The following NT5C2 variants were observed in gnomAD, a reference collection of about 807,000 sequenced individuals.
NT5C2 encodes the protein cytosolic purine 5'-nucleotidase.
Under a neutral mutation model 76.1 loss-of-function variants are expected in NT5C2, and 58 were observed. The observed-to-expected ratio is 0.76, with a 90% CI of 0.62 to 0.95. The LOEUF (loss-of-function observed/expected upper bound fraction) is 0.95. NT5C2 is among the 40% of genes least tolerant of loss of function. The probability of loss-of-function intolerance (pLI) is 0.00; values close to 1 mark genes in which losing one functional copy is unlikely to be tolerated. For missense variants in NT5C2, 478 were observed against 690.3 expected (o/e 0.69, Z 3.45); for synonymous variants, 229 against 237.4 (o/e 0.96, Z 0.32).
At chr10:103,132,038 C>T (rs1442888076) in intron 4 of NT5C2, among the ~76,000 whole-genome samples, 4 of 151,824 alleles carry the variant, frequency 2.6e-5, no homozygotes, top group Admixed American at 1.3e-4. Context: ...GTCAGGAGTT[C>T]GAGACCAGCC....
chr10:103,158,840 T>G (rs1255814795), intron 3 of NT5C2, among the ~76,000 whole-genome samples: 4 of 142,896 alleles, frequency 2.8e-5, no homozygotes, highest in Admixed American at 2.1e-4. Context: ...AAAAGAAGAA[T>G]AAAAGCAGAG....
chr10:103,094,850 C>G (rs1335315297), intron 12 of NT5C2, among the ~76,000 whole-genome samples: 1 of 147,462 alleles, frequency 6.8e-6, no homozygotes, highest in Non-Finnish European at 1.5e-5. Context: ...CCACTGCACT[C>G]CAGCTTGGCA....
chr10:103,153,449 T>TA (rs2082754623), intron 3 of NT5C2: 1 of 1,132,692 alleles, frequency 8.8e-7, no homozygotes, highest in Non-Finnish European at 1.1e-6. Context: ...TGCCGAACCC[T>TA]AACTAGGCAA....
rs544697472 is a variant in NT5C2 at position 103,183,625 on chromosome 10, T to C, written c.-168-2297A>G. 2.4e-4 allele frequency among the ~76,000 whole-genome samples: 36 copies of C among 149,422 alleles called. 1 individual carries two copies. The South Asian group carries it at 7.4e-3, about 31-fold the overall frequency. Reference sequence around the variant, plus strand: ...CTGCCTCCTGGGTTCACGCCATATATATATATATACATATACATACACACA... The same window carrying C: ...CTGCCTCCTGGGTTCACGCCATATACATATATATACATATACATACACACA... On this transcript the variant is annotated intron_variant, in intron 1 of 18. Transcript: ENST00000404739.
At chr10:103,096,845 C>CA (rs71019656) in intron 11 of NT5C2, among the ~76,000 whole-genome samples, 3,974 of 31,096 alleles carry the variant, frequency 0.13, 624 homozygotes, top group African/African-American at 0.24. Context: ...GACTCTGTCT[C>CA]AAAAAAAAAA....
chr10:103,097,258 C>T, intron 11 of NT5C2, 33 bp downstream of exon 11: 2 of 1,473,702 alleles, frequency 1.4e-6, no homozygotes, highest in Non-Finnish European at 1.9e-6. Flanking sequence ...AATAATTCCA[C>T]TGCATAAATA....
intron 4 of NT5C2, among the ~76,000 whole-genome samples, chr10:103,118,674 A>G (rs1381904092): frequency 1.3e-5 from 2 of 152,130 alleles, no homozygotes; most frequent in Non-Finnish European, 2.9e-5. Flanking sequence ...ATCACATTTC[A>G]TCTTCACAAA....
intron 1 of NT5C2, among the ~76,000 whole-genome samples, chr10:103,183,381 T>C (rs1248852463): frequency 7.0e-6 from 1 of 142,768 alleles, no homozygotes; most frequent in African/African-American, 2.6e-5. Flanking sequence ...TTGGAATTAC[T>C]AGTTTTAAAC....
intron 1 of NT5C2, among the ~76,000 whole-genome samples, chr10:103,193,035 G>A (rs2092765432): frequency 6.6e-6 from 1 of 151,806 alleles, no homozygotes; most frequent in South Asian, 2.1e-4. Flanking sequence ...GAGGGAGTTG[G>A]GAGGCGTGCG....
rs2091827070 is a variant in NT5C2, at chr10:103,184,972, T to A, written c.-168-3644A>T. Among the ~76,000 whole-genome samples the A allele has an allele frequency of 2.6e-5, 4 of 151,274 alleles. No homozygotes were observed. The South Asian group carries it at 8.4e-4, about 32-fold the overall frequency. The stretch of plus-strand genomic sequence containing the variant: ...TGTAACTAGAAACTACAAATTTATT[T>A]CATCTGTTCCTAAACTTTTGAAAAT... On this transcript the variant is annotated intron_variant, in intron 1 of 18. Transcript: ENST00000404739.
chr10:103,160,241 A>T (rs2084500775), intron 3 of NT5C2, among the ~76,000 whole-genome samples: 1 of 152,202 alleles, frequency 6.6e-6, no homozygotes, highest in Non-Finnish European at 1.5e-5. Context: ...AAAAAAAGTA[A>T]ATGAAAATGG....
Position 103,139,388 on chromosome 10 carries a change from T to G in NT5C2, c.175+18A>C. The G allele has an allele frequency of 6.5e-7, 1 of 1,541,902 alleles. No individual in the cohort carries two copies. ...ACCCAAAGCAGCAGTTCTTAAGCAA[T>G]CAGAAATTGCTACTCACCAGCAAGG... On this transcript the variant is annotated intron_variant, in intron 4 of 18. Transcript: ENST00000404739.
At chr10:103,142,673 GA>G (rs138172222) in intron 3 of NT5C2, among the ~76,000 whole-genome samples, 1 of 150,858 alleles carries the variant, frequency 6.6e-6, no homozygotes, top group African/African-American at 2.4e-5. Flanking sequence ...GTTTCAAAAA[GA>G]AAAAAAAGAA....
At chr10:103,174,304 T>G (rs939187734) in intron 3 of NT5C2, among the ~76,000 whole-genome samples, 1 of 151,874 alleles carries the variant, frequency 6.6e-6, no homozygotes, top group Non-Finnish European at 1.5e-5. Flanking sequence ...ACTGGGGAAG[T>G]TGAGGCATGA....
chr10:103,160,635 A>G (rs1442694658), intron 3 of NT5C2, among the ~76,000 whole-genome samples: 1 of 152,252 alleles, frequency 6.6e-6, no homozygotes, highest in Non-Finnish European at 1.5e-5. Flanking sequence ...CAGTAAGAAC[A>G]TGAAAACACG....
At chr10:103,151,407 T>G (rs1393055638) in intron 3 of NT5C2, among the ~76,000 whole-genome samples, 1 of 150,052 alleles carries the variant, frequency 6.7e-6, no homozygotes, top group Non-Finnish European at 1.5e-5. Context: ...GAGGTTGCGG[T>G]GAGCCAAGAT....
intron 3 of NT5C2, among the ~76,000 whole-genome samples, chr10:103,163,486 T>C (rs2085462218): frequency 6.6e-6 from 1 of 152,194 alleles, no homozygotes; most frequent in Admixed American, 6.5e-5. Flanking sequence ...CAGGCATATA[T>C]ACAGTTGCTT....
chr10:103,101,650 C>CCAA, intron 6 of NT5C2, among the ~76,000 whole-genome samples: 1 of 151,892 alleles, frequency 6.6e-6, no homozygotes, highest in East Asian at 1.9e-4. Flanking sequence ...AGCTTAGGTT[C>CCAA]CAGCTCTTAA....
intron 1 of NT5C2, among the ~76,000 whole-genome samples, chr10:103,185,113 A>T (rs1405829993): frequency 6.6e-6 from 1 of 152,184 alleles, no homozygotes; most frequent in African/African-American, 2.4e-5. Flanking sequence ...GCTGCTTCTA[A>T]CTGAATGTTT....
Sources: allele counts gnomAD v4.1 joint callset (sites outside exome capture counted in the v4.1 genomes callset), GRCh38; gene constraint gnomAD v4.1.1; transcripts MANE v1.5; gene names NCBI Gene and HGNC (gene_info 2026-07-23, HGNC 2026-07-21).